CFAP20DC: variants seen among roughly 807,000 people sequenced by gnomAD.
CFAP20DC encodes CFAP20 domain containing, also known as protein CFAP20DC.
A neutral mutation model predicts 101.7 loss-of-function variants in CFAP20DC; 84 were observed. That is an observed-to-expected ratio of 0.83 (90% CI 0.69 to 0.99). The LOEUF is 0.99. Ranked by LOEUF, CFAP20DC falls within the 50% of genes least tolerant of loss-of-function variation. CFAP20DC has a pLI of 0.00. For synonymous variants in CFAP20DC, 359 were observed against 351.2 expected (o/e 1.02, Z -0.25); for missense variants, 1,007 against 970.3 (o/e 1.04, Z -0.50).
intron 15 of CFAP20DC, among the ~76,000 whole-genome samples, chr3:58,754,855 T>A (rs1201519016): frequency 6.6e-6 from 1 of 152,082 alleles, no homozygotes; most frequent in Non-Finnish European, 1.5e-5. Context: ...AAGGAGATAA[T>A]AACAAAAGAG....
At chr3:59,037,413 A>C (rs2094123846) in intron 4 of CFAP20DC, among the ~76,000 whole-genome samples, 1 of 151,854 alleles carries the variant, frequency 6.6e-6, no homozygotes, top group South Asian at 2.1e-4. Flanking sequence ...AGAATCTACC[A>C]GGAACTTAAA....
chr3:58,803,992 A>G (rs1028852589), intron 15 of CFAP20DC, among the ~76,000 whole-genome samples: 10 of 152,224 alleles, frequency 6.6e-5, no homozygotes, highest in African/African-American at 2.4e-4. Context: ...CTAGATATTC[A>G]TTCATTCAAT....
chr3:58,810,992 T>G (rs901028414), intron 14 of CFAP20DC, among the ~76,000 whole-genome samples: 5 of 152,044 alleles, frequency 3.3e-5, no homozygotes, highest in African/African-American at 1.2e-4. Context: ...GAATCCAACT[T>G]ACAAGGGATG....
intron 4 of CFAP20DC, among the ~76,000 whole-genome samples, chr3:59,004,907 A>G (rs576081209): frequency 6.4e-4 from 98 of 152,322 alleles, no homozygotes; most frequent in African/African-American, 2.4e-3. Context: ...AAAGTACCTT[A>G]TAACAATGAG....
Position 58,972,468 on chromosome 3 carries a change from G to C in CFAP20DC, c.279-34706C>G, listed in dbSNP as rs116447186. Among the ~76,000 whole-genome samples the C allele has an allele frequency of 8.4e-3, 1,280 of 152,260 alleles. 22 individuals are homozygous for C. The highest frequency in any genetic ancestry group is 0.029 in the African/African-American group (1,217 of 41,564). ...GAAAAACACCAAGAAATGTCTTCTT[G>C]CAGGGCTTAATGATGGTTTTGGTTA... On this transcript the variant is annotated intron_variant, in intron 4 of 16. Coordinates refer to ENST00000482387, the MANE Select transcript of CFAP20DC (RefSeq NM_001394063.1).
At chr3:58,746,784 T>C (rs1011879315) in intron 16 of CFAP20DC, among the ~76,000 whole-genome samples, 1 of 152,172 alleles carries the variant, frequency 6.6e-6, no homozygotes, top group Non-Finnish European at 1.5e-5. Flanking sequence ...GGTGAGATTA[T>C]GTATAATTTT....
intron 4 of CFAP20DC, among the ~76,000 whole-genome samples, chr3:58,956,141 G>GA (rs919406634): frequency 1.3e-5 from 2 of 150,588 alleles, no homozygotes; most frequent in African/African-American, 4.9e-5. Context: ...TTCTGCTTGA[G>GA]AAAAATGAAA....
chr3:58,861,803 T>G lies in CFAP20DC; in HGVS notation c.1593+1755A>C. The G allele has an allele frequency of 1.0e-6, 1 of 985,462 alleles. No homozygotes were observed. The highest frequency in any genetic ancestry group is 1.7e-5 in the African/African-American group (1 of 57,372). 61.0% of individuals were successfully genotyped at this position (985,462 alleles called of 1,614,324 possible). ...ACCACAGACTCTAGCCGTATGCTAC[T>G]GGTCACCTTGATGGGCATGGCACAG... On this transcript the variant is annotated intron_variant, in intron 12 of 16. Coordinates refer to ENST00000482387, the MANE Select transcript of CFAP20DC (RefSeq NM_001394063.1). The surrounding 1 kb of genome is among the most constrained non-coding windows in gnomAD (Gnocchi z 4.0).
intron 14 of CFAP20DC, among the ~76,000 whole-genome samples, chr3:58,818,869 A>T (rs2075399669): frequency 7.2e-6 from 1 of 138,640 alleles, no homozygotes. Context: ...CACCTATTCC[A>T]AAATTGACCA....
chr3:58,769,774 A>C lies in CFAP20DC; in HGVS notation c.2238-15911T>G, dbSNP rs984544292. Among the ~76,000 whole-genome samples the C allele has an allele frequency of 3.3e-5, 5 of 152,178 alleles. No homozygotes were observed. The East Asian group carries it at 9.6e-4, about 29-fold the overall frequency. On this transcript the variant is annotated intron_variant, in intron 15 of 16. Coordinates refer to ENST00000482387, the MANE Select transcript of CFAP20DC (RefSeq NM_001394063.1). ...CATCTCTACCATAGCAAAAGGCGGG[A>C]AACACGATGCATAAACAACTACTAC...
chr3:58,926,891 A>T (rs922852134), intron 5 of CFAP20DC, among the ~76,000 whole-genome samples: 1 of 152,230 alleles, frequency 6.6e-6, no homozygotes, highest in Non-Finnish European at 1.5e-5. Flanking sequence ...GCTGAATGAT[A>T]TCTCATAATT....
At chr3:58,904,626 A>G (rs2083435597) in intron 6 of CFAP20DC, among the ~76,000 whole-genome samples, 1 of 152,232 alleles carries the variant, frequency 6.6e-6, no homozygotes, top group South Asian at 2.1e-4. Context: ...AACTAATAAT[A>G]AATACTAAAA....
chr3:58,764,145 A>G (rs1298138530), intron 15 of CFAP20DC, among the ~76,000 whole-genome samples: 2 of 152,188 alleles, frequency 1.3e-5, no homozygotes, highest in Non-Finnish European at 2.9e-5. Flanking sequence ...TGGAGTCTAC[A>G]GAGACAGGCA....
intron 15 of CFAP20DC, among the ~76,000 whole-genome samples, chr3:58,754,420 C>A (rs1376853828): frequency 6.6e-6 from 1 of 152,166 alleles, no homozygotes; most frequent in Non-Finnish European, 1.5e-5. Flanking sequence ...CTACTGCACT[C>A]TTCCCCAGTC....
chr3:58,950,664 G>A (rs939447259), intron 4 of CFAP20DC, among the ~76,000 whole-genome samples: 7 of 152,108 alleles, frequency 4.6e-5, no homozygotes, highest in South Asian at 2.1e-4. Context: ...ATAGGGAAAC[G>A]ATTCCCTATT....
At chr3:58,929,366 A>G (rs2086331365) in intron 5 of CFAP20DC, among the ~76,000 whole-genome samples, 1 of 152,238 alleles carries the variant, frequency 6.6e-6, no homozygotes, top group Non-Finnish European at 1.5e-5. Flanking sequence ...AATTTGATTT[A>G]TTAACTACAC....
At chr3:58,794,299 T>C in intron 15 of CFAP20DC, 1 of 453,732 alleles carries the variant, frequency 2.2e-6, no homozygotes, top group South Asian at 1.6e-5. Flanking sequence ...TTGCATCTGA[T>C]TTGTCTTAAT....
intron 16 of CFAP20DC, among the ~76,000 whole-genome samples, chr3:58,748,963 A>C (rs1438862721): frequency 6.6e-6 from 1 of 152,090 alleles, no homozygotes; most frequent in African/African-American, 2.4e-5. Context: ...TGTTGGGAGG[A>C]GGTATGAGGT....
chr3:58,720,211 G>A (rs1021116614), intron 3 of CFAP20DC, among the ~76,000 whole-genome samples: 1 of 152,240 alleles, frequency 6.6e-6, no homozygotes, highest in Admixed American at 6.5e-5. Context: ...GCCTTTGGCT[G>A]TCTTGTTCAC....
Sources: allele counts gnomAD v4.1 joint callset (sites outside exome capture counted in the v4.1 genomes callset), GRCh38; gene constraint gnomAD v4.1.1; non-coding constraint Gnocchi (gnomAD v3.1); transcripts MANE v1.5; gene names NCBI Gene and HGNC (gene_info 2026-07-23, HGNC 2026-07-21).